Variants in FHDC1 observed in about 807,000 individuals in gnomAD.
The protein encoded by FHDC1 is FH2 domain-containing protein 1.
Under a neutral mutation model 52.6 loss-of-function variants are expected in FHDC1, and 25 were observed. The ratio of observed to expected loss-of-function variants is 0.48; its 90% CI spans 0.35 to 0.66. The LOEUF (loss-of-function observed/expected upper bound fraction) is 0.66. FHDC1 is among the 30% of genes least tolerant of loss of function. The pLI, the probability that FHDC1 is intolerant of heterozygous loss-of-function variation, is 0.01. For synonymous variants in FHDC1, 616 were observed against 581.5 expected (o/e 1.06, Z -0.85); for missense variants, 1,459 against 1,452.8 (o/e 1.00, Z -0.07).
chr4:152,976,273 A>G lies in FHDC1; in HGVS notation c.2982A>G (p.Arg994=), dbSNP rs1257187873. The change falls in exon 12 of 12, where the codon AGA becomes AGG. Residue 994 remains arginine, a synonymous_variant. Coordinates refer to ENST00000511601, the MANE Select transcript of FHDC1 (RefSeq NM_001371116.1). Reference sequence around the variant, plus strand: ...CCAAACCACTCAGGAACCTCCCCAGACAGAAGCCTGAGGAAAATAAGACCT... The same window carrying G: ...CCAAACCACTCAGGAACCTCCCCAGGCAGAAGCCTGAGGAAAATAAGACCT... ...PSAKPLRNLP[R]QKPEENKTCR... is the part of the protein sequence containing the mutation. The G allele has an allele frequency of 1.2e-6, 2 of 1,613,216 alleles. No individual in the cohort carries two copies. The highest frequency in any genetic ancestry group is 1.7e-6 in the Non-Finnish European group (2 of 1,179,962).
Position 152,964,568 on chromosome 4 carries a change from C to T in FHDC1, c.1030-337C>T, listed in dbSNP as rs143024107. 2.6e-5 allele frequency among the ~76,000 whole-genome samples: 4 copies of T among 152,266 alleles called. No individual in the cohort carries two copies. In the East Asian group the frequency reaches 7.7e-4, roughly 29 times the overall value. The stretch of plus-strand genomic sequence containing the variant: ...ACTGGTTTAACAGCTGAAGGTATCT[C>T]GCTCATTTAAAGGCATGCTCACAGG... On this transcript the variant is annotated intron_variant, in intron 8 of 11. Coordinates refer to ENST00000511601, the MANE Select transcript of FHDC1 (RefSeq NM_001371116.1).
chr4:152,976,027 C>A lies in FHDC1; in HGVS notation c.2736C>A (p.Ser912Arg). 1 of 1,561,392 alleles carries A rather than the reference C, an allele frequency of 6.4e-7. No individual in the cohort carries two copies. The highest frequency in any genetic ancestry group is 8.6e-7 in the Non-Finnish European group (1 of 1,157,950). Residue 912 changes from serine to arginine, a missense_variant, in exon 12 of 12, where the codon AGC (serine) becomes AGA (arginine). Physicochemically the swap from Ser to Arg is moderately radical, Grantham distance 110. Coordinates refer to ENST00000511601, the MANE Select transcript of FHDC1 (RefSeq NM_001371116.1). ...MRKVMPITKS[S>R]RGAGWRRPEL... ...AGGTCATGCCCATCACCAAGTCCAG[C>A]AGAGGCGCCGGCTGGAGGCGACCAG...
the FHDC1 span, among the ~76,000 whole-genome samples, chr4:152,919,233 A>G: frequency 6.6e-6 from 1 of 152,254 alleles, no homozygotes; most frequent in Non-Finnish European, 1.5e-5. Flanking sequence ...AAATACTACA[A>G]AGATGTGAAG....
intron 4 of FHDC1, 118 bp downstream of exon 4, chr4:152,954,437 AGCACTTTGGGAG>A (rs1740022488): frequency 1.4e-6 from 1 of 724,246 alleles, no homozygotes; most frequent in African/African-American, 1.8e-5. Flanking sequence ...CTGTAATCCC[AGCACTTTGGGAG>A]GCAGAGGCAG....
chr4:152,967,955 C>A, intron 9 of FHDC1, 25 bp from the exon 10 acceptor site: 1 of 1,570,550 alleles, frequency 6.4e-7, no homozygotes, highest in Non-Finnish European at 8.7e-7. Flanking sequence ...GTTCCAACTG[C>A]CCACTCTCCC....
chr4:152,942,765 T>G (rs1309744896), intron 1 of FHDC1, among the ~76,000 whole-genome samples, 163 bp from the exon 2 acceptor site: 1 of 152,214 alleles, frequency 6.6e-6, no homozygotes, highest in Non-Finnish European at 1.5e-5. Context: ...TTGATTCACA[T>G]TTAGAAAAGC....
chr4:152,927,230 C>G, the FHDC1 span, among the ~76,000 whole-genome samples: 1 of 152,236 alleles, frequency 6.6e-6, no homozygotes, highest in East Asian at 1.9e-4. Flanking sequence ...ACGGGAGGCT[C>G]CCAGGCCTCA....
intron 4 of FHDC1, among the ~76,000 whole-genome samples, chr4:152,957,588 C>T (rs527807557): frequency 6.6e-6 from 1 of 152,380 alleles, no homozygotes; most frequent in South Asian, 2.1e-4. Context: ...CCTCGCGCTG[C>T]TGGCCTGCCA....
At position 152,975,690 on chromosome 4, in the gene FHDC1, A is replaced by T. The variant is rs750896211; in HGVS notation, c.2399A>T (p.Glu800Val). Residue 800 changes from glutamate to valine, a missense_variant, in exon 12 of 12, where the codon GAA becomes GTA. Glu to Val is a moderately radical substitution (Grantham distance 121, BLOSUM62 -2). Around this residue, in one of 3 missense-constraint regions of FHDC1, gnomAD observed 939 missense variants for 854.5 expected, o/e 1.10. Coordinates refer to ENST00000511601, the MANE Select transcript of FHDC1 (RefSeq NM_001371116.1). ...DSRPRGGDPE[E>V]GGEGDGSMSS... is the part of the protein sequence containing the mutation. ...AGACCCAGAGGCGGGGACCCGGAGG[A>T]AGGCGGGGAAGGGGATGGCTCCATG... 2 of 1,611,770 alleles carry T rather than the reference A, an allele frequency of 1.2e-6. No individual in the cohort carries two copies. Among genetic ancestry groups the T allele is most frequent in the Admixed American group, 3.3e-5 (2 of 59,952 alleles).
At chr4:152,933,542 G>GCC (rs1739286769), upstream of FHDC1, among the ~76,000 whole-genome samples, 1 of 151,816 alleles carries the variant, frequency 6.6e-6, no homozygotes, top group African/African-American at 2.4e-5. Context: ...AGACCATTCT[G>GCC]GCCAACATGG....
At chr4:152,959,953 T>TTA (rs1740224757) in intron 4 of FHDC1, among the ~76,000 whole-genome samples, 1 of 136,938 alleles carries the variant, frequency 7.3e-6, no homozygotes, top group Non-Finnish European at 1.6e-5. Flanking sequence ...GTCCCGTTGT[T>TTA]TAAGCAATTT....
chr4:152,975,617 A>G lies in FHDC1; in HGVS notation c.2326A>G (p.Thr776Ala). 6.2e-7 allele frequency: 1 copy of G among 1,613,578 alleles called. No homozygotes were observed. Among genetic ancestry groups the G allele is most frequent in the Non-Finnish European group, 8.5e-7 (1 of 1,180,024 alleles). The change falls in exon 12 of 12, where the codon ACC becomes GCC. Residue 776 changes from threonine (T) to alanine (A), a missense_variant. Around this residue, in one of 3 missense-constraint regions of FHDC1, gnomAD observed 939 missense variants for 854.5 expected, o/e 1.10. Coordinates refer to ENST00000511601, the MANE Select transcript of FHDC1 (RefSeq NM_001371116.1). Reference sequence around the variant, plus strand: ...TAGACCTCTGTTCTGCATCTCGGACACCACCGACTGCTCACTGACCCTGGA... The same window carrying G: ...TAGACCTCTGTTCTGCATCTCGGACGCCACCGACTGCTCACTGACCCTGGA... The part of the protein sequence containing the change: ...DPRPLFCISD[T>A]TDCSLTLDCS...
chr4:152,939,970 A>G (rs1159829180), intron 1 of FHDC1, among the ~76,000 whole-genome samples: 1 of 152,218 alleles, frequency 6.6e-6, no homozygotes, highest in Non-Finnish European at 1.5e-5. Context: ...CAGGCAGCCA[A>G]TGTGGTCTGT....
Position 152,954,129 on chromosome 4 carries a change from G to A in FHDC1, c.561-88G>A, listed in dbSNP as rs145631742. On this transcript the variant is annotated intron_variant, in intron 3 of 11. Coordinates refer to ENST00000511601, the MANE Select transcript of FHDC1 (RefSeq NM_001371116.1). ...TGGGAAGGAGGTGGGTGGGAAGGAG[G>A]GTGGAGGAGATTTAATTTCCACTGG... 103 of 1,106,814 alleles carry A rather than the reference G, an allele frequency of 9.3e-5. No homozygotes were observed. In the African/African-American group the frequency reaches 1.5e-3, roughly 16 times the overall value. The allele number at this position is 1,106,814 out of a possible 1,614,324, so 68.6% of individuals were successfully genotyped here.
intron 4 of FHDC1, among the ~76,000 whole-genome samples, chr4:152,955,647 G>A (rs955041694): frequency 6.6e-6 from 1 of 152,056 alleles, no homozygotes; most frequent in Non-Finnish European, 1.5e-5. Flanking sequence ...ACCACGCCCC[G>A]CCTAACTTTT....
intron 4 of FHDC1, among the ~76,000 whole-genome samples, chr4:152,958,313 T>A (rs893115966): frequency 2.0e-5 from 3 of 152,214 alleles, no homozygotes; most frequent in Admixed American, 6.5e-5. Context: ...AATGTTTTTT[T>A]TGGTAATGAG....
At chr4:152,914,572 A>G in the FHDC1 span, among the ~76,000 whole-genome samples, 1 of 152,222 alleles carries the variant, frequency 6.6e-6, no homozygotes, top group African/African-American at 2.4e-5. Context: ...CACAAGAACC[A>G]AAATCACAGT....
the FHDC1 span, among the ~76,000 whole-genome samples, chr4:152,921,568 TCCTTCCTTCCTTCCTTCCTCCCTC>T: frequency 1.5e-5 from 2 of 137,312 alleles, no homozygotes; most frequent in Non-Finnish European, 3.2e-5. Flanking sequence ...CTTCCTTCCT[TCCTTCCTTCCTTCCTTCCTCCCTC>T]CCTCCCTCCC....
At position 152,974,893 on chromosome 4, in the gene FHDC1, G is replaced by A. The variant is rs113348012; in HGVS notation, c.1602G>A (p.Pro534=). The A allele has an allele frequency of 1.6e-3, 2,530 of 1,604,726 alleles. 38 individuals carry two copies. In the African/African-American group the frequency reaches 0.031, roughly 20 times the overall value. The change falls in exon 12 of 12, where the codon CCG becomes CCA. Residue 534 remains proline (P), a synonymous_variant. Transcript: ENST00000511601. ...ISPSSPSYRP[P]NTRRSRLSLG... ...CCTCCAGCCCCTCCTACCGGCCCCC[G>A]AACACCCGCCGCTCCCGCCTCTCCC... is the stretch of plus-strand genomic sequence containing the variant.
Sources: gnomAD v4.1 joint callset for allele counts (sites outside exome capture counted in the v4.1 genomes callset) on GRCh38, gnomAD v4.1.1 for gene constraint, gnomAD v4.1.1 regional missense constraint, MANE v1.5 for transcripts, NCBI Gene and HGNC (gene_info 2026-07-23, HGNC 2026-07-21) for gene names.